The following MMP26 variants were observed in gnomAD, a reference collection of about 807,000 sequenced individuals.
MMP26 encodes the protein matrix metalloproteinase-26.
A neutral mutation model predicts 31.0 loss-of-function variants in MMP26; 33 were observed. The ratio of observed to expected loss-of-function variants is 1.06; its 90% confidence interval spans 0.81 to 1.42. MMP26 has a LOEUF of 1.42. Among genes scored for constraint, MMP26 ranks in the 40% most tolerant of loss-of-function variants. The pLI is 0.00. For missense variants in MMP26, 347 were observed against 316.1 expected, an observed-to-expected ratio of 1.10 and a Z score of -0.74; for synonymous variants, 122 against 114.9, an observed-to-expected ratio of 1.06 and a Z score of -0.40.
intron 2 of MMP26, among the ~76,000 whole-genome samples, chr11:4,779,226 A>C (rs1589898061): frequency 6.6e-6 from 1 of 152,024 alleles, no homozygotes; most frequent in East Asian, 1.9e-4. Context: ...ATTAAGTATG[A>C]TTTTTGAAGA....
intron 2 of MMP26, chr11:4,875,620 A>G (rs1228055605): frequency 1.3e-5 from 2 of 152,022 alleles, no homozygotes; most frequent in Admixed American, 6.6e-5. Flanking sequence ...TCAAGCTGCC[A>G]TCTTTCTGGT....
chr11:4,807,618 G>T (rs1234057413), intron 2 of MMP26, among the ~76,000 whole-genome samples: 1 of 150,938 alleles, frequency 6.6e-6, no homozygotes, highest in Non-Finnish European at 1.5e-5. Flanking sequence ...GGGCCTGTCT[G>T]GGGGTGGGGG....
intron 2 of MMP26, among the ~76,000 whole-genome samples, chr11:4,804,967 C>CAA (rs372949891): frequency 6.3e-5 from 7 of 111,822 alleles, no homozygotes; most frequent in African/African-American, 9.0e-5. Flanking sequence ...GAAACCGCCT[C>CAA]AAAAAAAAAA....
At chr11:4,857,096 A>C (rs1850064917) in intron 2 of MMP26, among the ~76,000 whole-genome samples, 1 of 152,196 alleles carries the variant, frequency 6.6e-6, no homozygotes, top group South Asian at 2.1e-4. Context: ...AATTTATAGC[A>C]CTAAATGCCC....
At chr11:4,905,071 C>T (rs73405071) in intron 2 of MMP26, among the ~76,000 whole-genome samples, 6,813 of 151,930 alleles carry the variant, frequency 0.045, 509 homozygotes, top group African/African-American at 0.16. Flanking sequence ...CAGCAAAAGA[C>T]GAAAATAAAA....
At chr11:4,912,822 C>T (rs1157567542) in intron 2 of MMP26, 3 of 151,910 alleles carry the variant, frequency 2.0e-5, no homozygotes, top group African/African-American at 7.2e-5. Flanking sequence ...TAGAGAAGAC[C>T]TTTTCCCACT....
In MMP26 at chr11:4,725,174, C is replaced by T. The variant is rs539906213; in HGVS notation, c.-217+20129C>T. Among the ~76,000 whole-genome samples the T allele has an allele frequency of 8.5e-5, 13 of 152,318 alleles. No individual in the cohort carries two copies. The South Asian group carries it at 2.7e-3, about 32-fold the overall frequency. On this transcript the variant is annotated intron_variant, in intron 1 of 7. Coordinates refer to ENST00000380390, the MANE Select transcript of MMP26 (RefSeq NM_021801.5). ...TTCCTGAGGCCTGCCCAGCACCATG[C>T]TTCCTGTAGAACCTGCAGAACCATG... is the stretch of plus-strand genomic sequence containing the variant.
chr11:4,811,374 G>A (rs1048253997), intron 2 of MMP26, among the ~76,000 whole-genome samples: 6 of 152,068 alleles, frequency 3.9e-5, no homozygotes, highest in Admixed American at 6.6e-5. Flanking sequence ...CGCTCAAGTA[G>A]GTCCCAGTGT....
chr11:4,933,549 GT>G (rs1851383661), intron 2 of MMP26, among the ~76,000 whole-genome samples: 1 of 92,474 alleles, frequency 1.1e-5, no homozygotes, highest in Non-Finnish European at 2.1e-5. Context: ...GTTTGTTTTT[GT>G]TTTTTGTTTG....
At chr11:4,845,652 GA>G (rs1339583068) in intron 2 of MMP26, among the ~76,000 whole-genome samples, 2 of 152,114 alleles carry the variant, frequency 1.3e-5, no homozygotes, top group Non-Finnish European at 2.9e-5. Flanking sequence ...ACAAAGTGAA[GA>G]GACAACCCAC....
intron 2 of MMP26, among the ~76,000 whole-genome samples, chr11:4,812,033 C>T (rs1219291257): frequency 6.6e-6 from 1 of 152,104 alleles, no homozygotes; most frequent in Non-Finnish European, 1.5e-5. Context: ...GATTTCTGGG[C>T]AGTTTTGAGA....
At chr11:4,858,833 T>TA (rs1413840004) in intron 2 of MMP26, among the ~76,000 whole-genome samples, 1 of 152,122 alleles carries the variant, frequency 6.6e-6, no homozygotes, top group African/African-American at 2.4e-5. Context: ...ACTACAAGGC[T>TA]ACAGTAACCA....
chr11:4,991,378 A>G lies in MMP26; in HGVS notation c.477A>G (p.Glu159=), dbSNP rs1846999597. The G allele has an allele frequency of 6.2e-7, 1 of 1,613,084 alleles. No homozygotes were observed. The highest frequency in any genetic ancestry group is 1.7e-5 in the Admixed American group (1 of 59,978). Residue 159 remains glutamate, a synonymous_variant, in exon 6 of 8, where the codon GAA becomes GAG. Coordinates refer to ENST00000380390, the MANE Select transcript of MMP26 (RefSeq NM_021801.5). ...AGCTTCTGTCGTCCACAGCCCATGA[A>G]GATGGTTGGCCCTTTGATGGGCCAG... The part of the protein sequence containing the change: ...IKVSFWQWAH[E]DGWPFDGPGG...
intron 2 of MMP26, among the ~76,000 whole-genome samples, chr11:4,986,903 C>CTT (rs1335565329): frequency 9.2e-6 from 1 of 109,246 alleles, no homozygotes; most frequent in Non-Finnish European, 2.0e-5. Context: ...TCCTTCCTTC[C>CTT]TTTCTCTCTC....
chr11:4,987,867 G>A (rs1846928873), intron 2 of MMP26, among the ~76,000 whole-genome samples: 1 of 152,152 alleles, frequency 6.6e-6, no homozygotes, highest in Non-Finnish European at 1.5e-5. Flanking sequence ...AAGCTGTAAT[G>A]AGTTTCGACA....
chr11:4,746,875 A>ACG (rs1848389080), intron 1 of MMP26, among the ~76,000 whole-genome samples: 1 of 144,950 alleles, frequency 6.9e-6, no homozygotes, highest in Non-Finnish European at 1.5e-5. Context: ...ACACACACAC[A>ACG]CAAAGGCTAT....
At chr11:4,841,233 A>G (rs954161223) in intron 2 of MMP26, among the ~76,000 whole-genome samples, 2 of 152,198 alleles carry the variant, frequency 1.3e-5, no homozygotes, top group African/African-American at 4.8e-5. Flanking sequence ...GGAGAAAGAG[A>G]TAAGAGTTAG....
chr11:4,723,342 C>A, intron 1 of MMP26: 1 of 971,018 alleles, frequency 1.0e-6, no homozygotes. Flanking sequence ...TGATCTGGTG[C>A]ATGCTCTCAG....
intron 2 of MMP26, among the ~76,000 whole-genome samples, chr11:4,792,947 C>T (rs1007189982): frequency 6.6e-6 from 1 of 152,100 alleles, no homozygotes; most frequent in Non-Finnish European, 1.5e-5. Context: ...AGCATATTCT[C>T]TTACGTTTGT....
Sources: gnomAD v4.1 joint callset for allele counts (sites outside exome capture counted in the v4.1 genomes callset) on GRCh38, gnomAD v4.1.1 for gene constraint, MANE v1.5 for transcripts, NCBI Gene and HGNC (gene_info 2026-07-23, HGNC 2026-07-21) for gene names.